Variants in POU2AF2 observed in about 807,000 individuals in gnomAD.
The protein encoded by POU2AF2 is POU class 2 homeobox associating factor 2, also known as POU domain class 2-associating factor 2.
chr11:111,280,057 A>AAAATATATATAT, the POU2AF2 span, among the ~76,000 whole-genome samples: 26 of 76,478 alleles, frequency 3.4e-4, no homozygotes, highest in Admixed American at 1.4e-3. Context: ...AAAAAAAAAA[A>AAAATATATATAT]ATATATATAT....
the POU2AF2 span, among the ~76,000 whole-genome samples, chr11:111,268,232 A>G: frequency 6.6e-6 from 1 of 152,182 alleles, no homozygotes; most frequent in East Asian, 1.9e-4. Context: ...CTTTGGACCG[A>G]GGCATCCCGA....
chr11:111,264,270 C>T, the POU2AF2 span, among the ~76,000 whole-genome samples: 24 of 151,868 alleles, frequency 1.6e-4, no homozygotes, highest in East Asian at 7.7e-4. Context: ...CCGAGGTGGG[C>T]AGATCTCTTG....
the POU2AF2 span, chr11:111,285,692 C>A: frequency 6.2e-7 from 1 of 1,613,500 alleles, no homozygotes; most frequent in Admixed American, 1.7e-5. Flanking sequence ...CGGTCTCAGC[C>A]AGCCTGACCC....
chr11:111,256,805 C>T, the POU2AF2 span, among the ~76,000 whole-genome samples: 11 of 152,156 alleles, frequency 7.2e-5, no homozygotes, highest in Admixed American at 2.0e-4. Context: ...TTACCAAGGG[C>T]TTGGTTGGTG....
At chr11:111,256,130 G>A in the POU2AF2 span, 1 of 398,822 alleles carries the variant, frequency 2.5e-6, no homozygotes, top group African/African-American at 2.1e-5. Context: ...GTGCTTGCAG[G>A]TTCTCTCTCC....
chr11:111,255,877 C>G, the POU2AF2 span: 7 of 396,956 alleles, frequency 1.8e-5, no homozygotes, highest in Admixed American at 4.4e-5. Context: ...TTCTATCATT[C>G]TATCAAGAAA....
the POU2AF2 span, among the ~76,000 whole-genome samples, chr11:111,272,579 G>A: frequency 2.6e-5 from 4 of 152,168 alleles, no homozygotes; most frequent in Admixed American, 2.6e-4. Flanking sequence ...CACAGAGTCT[G>A]GCGGGAAGTG....
the POU2AF2 span, among the ~76,000 whole-genome samples, chr11:111,262,903 A>T: frequency 6.6e-6 from 1 of 152,254 alleles, no homozygotes; most frequent in Non-Finnish European, 1.5e-5. Flanking sequence ...CTATCTCATC[A>T]GCCTTGATTT....
the POU2AF2 span, among the ~76,000 whole-genome samples, chr11:111,277,077 A>T: frequency 5.3e-5 from 8 of 152,238 alleles, no homozygotes; most frequent in African/African-American, 1.7e-4. Flanking sequence ...AAGCTAAAAG[A>T]AAAGAGAATA....
At chr11:111,284,764 G>T in the POU2AF2 span, among the ~76,000 whole-genome samples, 5 of 152,160 alleles carry the variant, frequency 3.3e-5, no homozygotes, top group East Asian at 5.8e-4. Context: ...GTAATGAGAT[G>T]GATCATAATC....
chr11:111,282,708 T>A, the POU2AF2 span, among the ~76,000 whole-genome samples: 7 of 152,198 alleles, frequency 4.6e-5, no homozygotes, highest in Non-Finnish European at 1.0e-4. Context: ...AATCAGAAGC[T>A]CAGAAGTGGT....
chr11:111,273,385 A>G, the POU2AF2 span, among the ~76,000 whole-genome samples: 1 of 152,216 alleles, frequency 6.6e-6, no homozygotes, highest in Non-Finnish European at 1.5e-5. Context: ...GTGGTGTCAG[A>G]TGTTCAATAT....
the POU2AF2 span, among the ~76,000 whole-genome samples, chr11:111,246,811 T>A: frequency 6.6e-6 from 1 of 152,222 alleles, no homozygotes; most frequent in Non-Finnish European, 1.5e-5. Context: ...TTAGTTACTT[T>A]TTTGTGACAA....
At chr11:111,275,013 C>G in the POU2AF2 span, among the ~76,000 whole-genome samples, 1 of 152,212 alleles carries the variant, frequency 6.6e-6, no homozygotes, top group Non-Finnish European at 1.5e-5. Context: ...ACATATAACA[C>G]AGTTGACCAT....
At chr11:111,285,636 C>A in the POU2AF2 span, 1 of 1,600,018 alleles carries the variant, frequency 6.2e-7, no homozygotes, top group East Asian at 2.3e-5. Context: ...CCTCCGTGGC[C>A]TTTCCATTCT....
the POU2AF2 span, among the ~76,000 whole-genome samples, chr11:111,282,299 T>A: frequency 6.6e-6 from 1 of 152,196 alleles, no homozygotes; most frequent in Non-Finnish European, 1.5e-5. Flanking sequence ...ATAAATATAA[T>A]TTCATTGTAT....
At chr11:111,248,604 C>T in the POU2AF2 span, among the ~76,000 whole-genome samples, 1 of 152,198 alleles carries the variant, frequency 6.6e-6, no homozygotes, top group African/African-American at 2.4e-5. Context: ...TATCACATAA[C>T]TCAGAATATA....
At chr11:111,255,596 A>T in the POU2AF2 span, among the ~76,000 whole-genome samples, 5 of 152,238 alleles carry the variant, frequency 3.3e-5, no homozygotes, top group Admixed American at 6.5e-5. Context: ...TGTAACCTGA[A>T]TCATACAAAT....
the POU2AF2 span, chr11:111,281,443 G>A: frequency 5.1e-5 from 83 of 1,613,692 alleles, no homozygotes; most frequent in Non-Finnish European, 6.5e-5. Flanking sequence ...GATGCCAGGT[G>A]AGTACTTTAA....
Sources: gnomAD v4.1 joint callset for allele counts (sites outside exome capture counted in the v4.1 genomes callset) on GRCh38, gnomAD v4.1.1 for gene constraint, MANE v1.5 for transcripts, NCBI Gene and HGNC (gene_info 2026-07-23, HGNC 2026-07-21) for gene names.